EGLN1: variants seen among roughly 807,000 people sequenced by gnomAD.
EGLN1 encodes the protein egl-9 family hypoxia inducible factor 1.
EGLN1 carries 17 observed loss-of-function variants against 38.3 expected under a neutral mutation model. The observed-to-expected ratio is 0.44, with a 90% CI of 0.30 to 0.67. EGLN1 has a LOEUF of 0.67. Ranked by LOEUF, EGLN1 falls within the 30% of genes least tolerant of loss-of-function variation. EGLN1 has a pLI of 0.08. For missense variants in EGLN1, 477 were observed against 603.3 expected (o/e 0.79, Z 2.19); for synonymous variants, 283 against 257.5 (o/e 1.10, Z -0.95).
intron 3 of EGLN1, among the ~76,000 whole-genome samples, chr1:231,369,967 T>C (rs1687773586): frequency 6.6e-6 from 1 of 152,224 alleles, no homozygotes. Context: ...AATAAAGCAC[T>C]AAATATAATA....
chr1:231,382,866 T>C (rs1417654311), intron 1 of EGLN1, among the ~76,000 whole-genome samples: 3 of 152,028 alleles, frequency 2.0e-5, no homozygotes, highest in Admixed American at 6.5e-5. Flanking sequence ...GAGACCAGCC[T>C]GGCCAACATG....
chr1:231,398,427 T>C (rs1168171116), intron 1 of EGLN1, among the ~76,000 whole-genome samples: 1 of 152,148 alleles, frequency 6.6e-6, no homozygotes. Context: ...GCCTCCCAAG[T>C]AGCTGGGACT....
intron 1 of EGLN1, among the ~76,000 whole-genome samples, chr1:231,383,498 G>C (rs1688123365): frequency 6.6e-6 from 1 of 152,198 alleles, no homozygotes; most frequent in South Asian, 2.1e-4. Flanking sequence ...TATAGAGAAA[G>C]TGACAAACGT....
intron 1 of EGLN1, among the ~76,000 whole-genome samples, chr1:231,394,959 T>C (rs1284667559): frequency 6.6e-6 from 1 of 152,214 alleles, no homozygotes; most frequent in African/African-American, 2.4e-5. Context: ...GAAATTTTAA[T>C]ATGCATACAA....
At chr1:231,396,323 G>A (rs1451563960) in intron 1 of EGLN1, among the ~76,000 whole-genome samples, 1 of 150,404 alleles carries the variant, frequency 6.6e-6, no homozygotes, top group Non-Finnish European at 1.5e-5. Context: ...GCAGGATCTC[G>A]GCTCACTGCA....
intron 1 of EGLN1, among the ~76,000 whole-genome samples, chr1:231,405,758 G>C (rs1389930432): frequency 2.0e-5 from 3 of 151,936 alleles, no homozygotes; most frequent in African/African-American, 7.3e-5. Context: ...AGAATCTCTA[G>C]AGTAGGCACA....
At chr1:231,400,284 T>A (rs1688630978) in intron 1 of EGLN1, among the ~76,000 whole-genome samples, 1 of 139,906 alleles carries the variant, frequency 7.1e-6, no homozygotes. Context: ...AATTTTTTAT[T>A]TTCGTGGGAA....
At chr1:231,369,744 C>A in intron 3 of EGLN1, 1 of 221,738 alleles carries the variant, frequency 4.5e-6, no homozygotes, top group Non-Finnish European at 7.6e-6. Context: ...TCTTGCCACC[C>A]TAGCATCTCC....
Position 231,421,034 on chromosome 1 carries a change from C to T in EGLN1, c.855G>A (p.Gly285=). Residue 285 remains glycine (G), a synonymous_variant, in exon 1 of 5, where the codon GGG becomes GGA. Transcript: ENST00000366641. The surrounding 1 kb of genome is among the most constrained non-coding windows in gnomAD (Gnocchi z 5.5). ...SMDDLIRHCN[G]KLGSYKINGR... ...CATTGATTTTGTAGCTGCCCAGCTT[C>T]CCGTTACAGTGGCGTATCAGGTCGT... The T allele has an allele frequency of 6.2e-7, 1 of 1,614,132 alleles. No individual in the cohort carries two copies. Among genetic ancestry groups the T allele is most frequent in the Non-Finnish European group, 8.5e-7 (1 of 1,180,022 alleles).
chr1:231,416,527 C>T (rs1218873329), intron 1 of EGLN1, among the ~76,000 whole-genome samples: 1 of 151,446 alleles, frequency 6.6e-6, no homozygotes, highest in Non-Finnish European at 1.5e-5. Context: ...ACCACCATGC[C>T]TGGCTAATTT....
chr1:231,421,544 C>A lies in EGLN1; in HGVS notation c.345G>T (p.Lys115Asn), dbSNP rs1307321781. 4 of 1,305,210 alleles carry A rather than the reference C, an allele frequency of 3.1e-6. No individual in the cohort carries two copies. Among genetic ancestry groups the A allele is most frequent in the Non-Finnish European group, 1.9e-6 (2 of 1,030,148 alleles). 80.9% of individuals were successfully genotyped at this position (1,305,210 alleles called of 1,614,324 possible). The change falls in exon 1 of 5, where the codon AAG becomes AAT. Residue 115 changes from lysine to asparagine, a missense_variant. This residue lies in a region of EGLN1 where 298 missense variants were observed against 288.9 expected (regional missense o/e 1.03). Transcript: ENST00000366641. This position sits in a 1 kb window ranked among gnomAD's most constrained non-coding sequence, Gnocchi z 5.5. ...GDAAKGKVKA[K>N]PPADPAAAAS... ...CGGCCGCCGCTGGGTCGGCCGGGGG[C>A]TTGGCCTTTACTTTTCCCTTGGCCG...
In EGLN1 at chr1:231,421,502, C is replaced by G. The variant is rs2102947714; in HGVS notation, c.387G>C (p.Ala129=). The G allele has an allele frequency of 2.3e-6, 3 of 1,331,512 alleles. No individual in the cohort carries two copies. The highest frequency in any genetic ancestry group is 2.9e-6 in the Non-Finnish European group (3 of 1,042,534). 82.5% of individuals were successfully genotyped at this position (1,331,512 alleles called of 1,614,324 possible). ...CCGCCGAGCCCTGGCCGCCGGCGGC[C>G]GCACGACACGGCGACGCGGCCGCCG... ...DPAAAASPCR[A]AAGGQGSAVA... The change falls in exon 1 of 5, where the codon GCG becomes GCC. Residue 129 remains alanine, a synonymous_variant. Transcript: ENST00000366641. The surrounding 1 kb of genome is among the most constrained non-coding windows in gnomAD (Gnocchi z 5.5).
intron 1 of EGLN1, among the ~76,000 whole-genome samples, chr1:231,404,175 A>C (rs938965695): frequency 6.6e-6 from 1 of 152,122 alleles, no homozygotes; most frequent in Admixed American, 6.5e-5. Context: ...CCTACATGAA[A>C]TTTCTTAAGG....
Position 231,364,394 on chromosome 1 carries a change from A to G in EGLN1, c.*2017T>C, listed in dbSNP as rs1302843610. 6.6e-6 allele frequency: 1 copy of G among 152,282 alleles called. No homozygotes were observed. Among genetic ancestry groups the G allele is most frequent in the Non-Finnish European group, 1.5e-5 (1 of 68,070 alleles). 9.4% of individuals were successfully genotyped at this position (152,282 alleles called of 1,614,324 possible). A position where few individuals can be genotyped will look rare whatever the true frequency, so the allele number is the denominator to read the frequency against. On this transcript the variant is annotated 3_prime_UTR_variant, in exon 5 of 5. Coordinates refer to ENST00000366641, the MANE Select transcript of EGLN1 (RefSeq NM_022051.3). ...CACTGTACTATAGACCAGATGGCAA[A>G]GACAACTTGCGCTCCTGGGTTGGGC...
intron 1 of EGLN1, 96 bp downstream of exon 1, chr1:231,420,902 A>AG: frequency 6.2e-7 from 1 of 1,609,940 alleles, no homozygotes; most frequent in Admixed American, 1.7e-5. Flanking sequence ...TTCTATATAG[A>AG]GGAATGCTGC....
intron 1 of EGLN1, among the ~76,000 whole-genome samples, chr1:231,382,383 T>C (rs1688097988): frequency 6.6e-6 from 1 of 151,822 alleles, no homozygotes; most frequent in Non-Finnish European, 1.5e-5. Flanking sequence ...TGGATATAAA[T>C]AATCATCAGT....
intron 2 of EGLN1, among the ~76,000 whole-genome samples, chr1:231,371,684 G>C (rs1687825814): frequency 6.6e-6 from 1 of 152,146 alleles, no homozygotes; most frequent in Non-Finnish European, 1.5e-5. Flanking sequence ...TGGGCTCTGG[G>C]TGCAGAGTAG....
intron 1 of EGLN1, among the ~76,000 whole-genome samples, chr1:231,405,498 A>C (rs1290522334): frequency 1.3e-5 from 2 of 152,164 alleles, no homozygotes; most frequent in Non-Finnish European, 2.9e-5. Flanking sequence ...TTTTTTAAAA[A>C]GTCTTTTACA....
At chr1:231,397,468 C>T (rs572186404) in intron 1 of EGLN1, among the ~76,000 whole-genome samples, 2 of 152,308 alleles carry the variant, frequency 1.3e-5, no homozygotes, top group South Asian at 2.1e-4. Flanking sequence ...ATATGGCCTA[C>T]CACTGATTTT....
Sources: gnomAD v4.1 joint callset for allele counts (sites outside exome capture counted in the v4.1 genomes callset) on GRCh38, gnomAD v4.1.1 for gene constraint, gnomAD v4.1.1 regional missense constraint, Gnocchi (gnomAD v3.1) non-coding constraint, MANE v1.5 for transcripts, NCBI Gene and HGNC (gene_info 2026-07-23, HGNC 2026-07-21) for gene names.